Variants in RFFL observed in about 807,000 individuals in gnomAD.
RFFL encodes E3 ubiquitin-protein ligase rififylin.
In RFFL, 16 loss-of-function variants were observed where a neutral mutation model predicts 40.4. That is an observed-to-expected ratio of 0.40 (90% CI 0.27 to 0.60). The LOEUF is 0.60. Ranked by LOEUF, RFFL falls within the 20% of genes least tolerant of loss-of-function variation. RFFL has a pLI of 0.47. For synonymous variants in RFFL, 154 were observed against 167.9 expected (o/e 0.92, Z 0.64); for missense variants, 367 against 451.7 (o/e 0.81, Z 1.70).
chr17:35,024,900 CAT>C (rs1278632465), intron 2 of RFFL, among the ~76,000 whole-genome samples: 1 of 152,192 alleles, frequency 6.6e-6, no homozygotes, highest in Non-Finnish European at 1.5e-5. Context: ...AAAATTAACT[CAT>C]ACTTTTGTAG....
At chr17:35,087,782 G>A (rs2091438266) in intron 1 of RFFL, among the ~76,000 whole-genome samples, 2 of 152,158 alleles carry the variant, frequency 1.3e-5, no homozygotes. Flanking sequence ...CTAAAATTCA[G>A]AATTAGGAAA....
Position 35,053,669 on chromosome 17 carries a change from G to A in RFFL, c.-9+9907C>T, listed in dbSNP as rs909216599. Among the ~76,000 whole-genome samples the A allele has an allele frequency of 3.9e-5, 6 of 152,254 alleles. 1 individual carries two copies. Among genetic ancestry groups the A allele is most frequent in the Admixed American group, 3.9e-4 (6 of 15,290 alleles). ...AGGAGGATCACTGGGACAATGAAATGCCCTACTGTATGCAAAGTACTTAAT... is the reference window on the plus strand; with the variant it reads ...AGGAGGATCACTGGGACAATGAAATACCCTACTGTATGCAAAGTACTTAAT... On this transcript the variant is annotated intron_variant, in intron 1 of 6. Transcript: ENST00000394597.
Position 35,035,137 on chromosome 17 carries a change from C to T in RFFL, c.-8-8576G>A, listed in dbSNP as rs111747644. On this transcript the variant is annotated intron_variant, in intron 1 of 6. Transcript: ENST00000394597. Reference sequence around the variant, plus strand: ...TTTTAAAAAGAAGGCTGGCTGGGCGCGGTGGCTCAGGCCTGTAATCCCAGC... The same window carrying T: ...TTTTAAAAAGAAGGCTGGCTGGGCGTGGTGGCTCAGGCCTGTAATCCCAGC... Among the ~76,000 whole-genome samples the T allele has an allele frequency of 6.4e-3, 970 of 152,176 alleles. 9 individuals are homozygous for T. The highest frequency in any genetic ancestry group is 0.022 in the African/African-American group (916 of 41,504).
intron 4 of RFFL, among the ~76,000 whole-genome samples, chr17:35,016,862 GTCA>G (rs2090977284): frequency 6.6e-6 from 1 of 152,172 alleles, no homozygotes; most frequent in African/African-American, 2.4e-5. Context: ...GCTGGTTTGA[GTCA>G]TATGACCCTA....
chr17:35,082,229 G>A (rs958676758), intron 1 of RFFL, among the ~76,000 whole-genome samples: 7 of 152,138 alleles, frequency 4.6e-5, no homozygotes, highest in Admixed American at 2.6e-4. Flanking sequence ...CTGCATCTAT[G>A]ATGATGATTG....
rs2090930297 is a variant in RFFL, at chr17:35,010,510, T to C, written c.*1458A>G. 6.6e-6 allele frequency: 1 copy of C among 152,198 alleles called. No individual in the cohort carries two copies. Among genetic ancestry groups the C allele is most frequent in the Admixed American group, 6.5e-5 (1 of 15,272 alleles). 9.4% of individuals were successfully genotyped at this position (152,198 alleles called of 1,614,324 possible). A position where few individuals can be genotyped will look rare whatever the true frequency, so the allele number is the denominator to read the frequency against. ...GGCTCACGCCTGTAATCCCAGCACT[T>C]TGGGAAGCTGAGGCGGGCGGATCAT... On this transcript the variant is annotated 3_prime_UTR_variant, in exon 7 of 7. Transcript: ENST00000394597.
chr17:35,070,361 G>T (rs2091341806), intron 1 of RFFL, among the ~76,000 whole-genome samples: 1 of 151,978 alleles, frequency 6.6e-6, no homozygotes, highest in South Asian at 2.1e-4. Flanking sequence ...GTAGAGATGG[G>T]GTCTCAATAT....
intron 1 of RFFL, chr17:35,069,432 A>G (rs1597840526): frequency 2.3e-6 from 1 of 437,858 alleles, no homozygotes; most frequent in Non-Finnish European, 4.6e-6. Context: ...TATAGAAATA[A>G]AAGGATACGA....
chr17:35,073,707 T>C (rs1690116558), intron 1 of RFFL: 1 of 152,182 alleles, frequency 6.6e-6, no homozygotes, highest in Non-Finnish European at 1.5e-5. Context: ...CTAACATCTA[T>C]GTATCTTATG....
Position 35,011,747 on chromosome 17 carries a change from T to C in RFFL, c.*221A>G, listed in dbSNP as rs1232529112. 1.1e-5 allele frequency: 6 copies of C among 550,674 alleles called. No individual in the cohort carries two copies. The highest frequency in any genetic ancestry group is 9.6e-5 in the Admixed American group (3 of 31,380). The allele number at this position is 550,674 out of a possible 1,614,324, so 34.1% of individuals were successfully genotyped here. A position where few individuals can be genotyped will look rare whatever the true frequency, so the allele number is the denominator to read the frequency against. On this transcript the variant is annotated 3_prime_UTR_variant, in exon 7 of 7. Transcript: ENST00000394597. ...GATCACTGAACCAAGAACATACCCA[T>C]GTGATTTATACAAGTTCCCACTGGC...
chr17:35,072,162 T>C (rs553157378), intron 1 of RFFL, among the ~76,000 whole-genome samples: 2 of 151,946 alleles, frequency 1.3e-5, no homozygotes, highest in East Asian at 1.9e-4. Context: ...ACACCTGTAG[T>C]CTCAGTTACT....
intron 1 of RFFL, among the ~76,000 whole-genome samples, chr17:35,031,438 A>G (rs192494202): frequency 4.6e-4 from 70 of 152,126 alleles, no homozygotes; most frequent in Non-Finnish European, 7.9e-4. Context: ...CTCTCTACTC[A>G]TTCATGATGC....
Position 35,010,329 on chromosome 17 carries a change from C to G in RFFL, c.*1639G>C, listed in dbSNP as rs537719456. On this transcript the variant is annotated 3_prime_UTR_variant, in exon 7 of 7. Coordinates refer to ENST00000394597, the MANE Select transcript of RFFL (RefSeq NM_001017368.2). ...TGGGAAAACACTCTGCTTTCCTGAT[C>G]ATGTGTTTTGTGCTTGGCCACGCTT... 6.6e-6 allele frequency: 1 copy of G among 152,220 alleles called. No individual in the cohort carries two copies. Among genetic ancestry groups the G allele is most frequent in the African/African-American group, 2.4e-5 (1 of 41,444 alleles). 9.4% of individuals were successfully genotyped at this position (152,220 alleles called of 1,614,324 possible).
intron 1 of RFFL, among the ~76,000 whole-genome samples, chr17:35,044,410 G>A (rs1020907202): frequency 2.0e-5 from 3 of 152,088 alleles, no homozygotes; most frequent in Non-Finnish European, 2.9e-5. Flanking sequence ...TCAGCCAGGC[G>A]CGGCAGGCTC....
At chr17:35,083,274 C>T (rs1249472240) in intron 1 of RFFL, among the ~76,000 whole-genome samples, 2 of 152,134 alleles carry the variant, frequency 1.3e-5, no homozygotes, top group African/African-American at 4.8e-5. Context: ...CACCAAAAAC[C>T]CTCCCTCATG....
At chr17:35,037,324 G>A (rs2091130330) in intron 1 of RFFL, among the ~76,000 whole-genome samples, 1 of 152,160 alleles carries the variant, frequency 6.6e-6, no homozygotes, top group South Asian at 2.1e-4. Context: ...ATAAAGAAAA[G>A]TATCCCACAT....
Position 35,038,677 on chromosome 17 carries a change from C to T in RFFL, c.-8-12116G>A, listed in dbSNP as rs577850124. 3.9e-4 allele frequency among the ~76,000 whole-genome samples: 59 copies of T among 152,260 alleles called. No homozygotes were observed. The South Asian group carries it at 0.011, about 29-fold the overall frequency. ...ATAAATGAATACATGGGAAATGATT[C>T]GTTTTACATAAAATTCAAAAACAGG... is the stretch of plus-strand genomic sequence containing the variant. On this transcript the variant is annotated intron_variant, in intron 1 of 6. Transcript: ENST00000394597.
intron 1 of RFFL, among the ~76,000 whole-genome samples, chr17:35,038,413 A>C (rs1026567555): frequency 6.6e-6 from 1 of 152,104 alleles, no homozygotes; most frequent in African/African-American, 2.4e-5. Flanking sequence ...ACGCGCACCC[A>C]CATCTCTTTC....
At chr17:35,085,955 G>T (rs900769948) in intron 1 of RFFL, among the ~76,000 whole-genome samples, 3 of 152,206 alleles carry the variant, frequency 2.0e-5, no homozygotes, top group South Asian at 2.1e-4. Context: ...AGCTATGACC[G>T]CTGTCCTGAT....
Sources: gnomAD v4.1 joint callset for allele counts (sites outside exome capture counted in the v4.1 genomes callset) on GRCh38, gnomAD v4.1.1 for gene constraint, MANE v1.5 for transcripts, NCBI Gene and HGNC (gene_info 2026-07-23, HGNC 2026-07-21) for gene names.